Variants in PLD5 observed in about 807,000 individuals in gnomAD.
PLD5 encodes phospholipase D family member 5, also known as inactive phospholipase D5.
Under a neutral mutation model 61.1 loss-of-function variants are expected in PLD5, and 36 were observed. The ratio of observed to expected loss-of-function variants is 0.59; its 90% CI spans 0.45 to 0.78. The LOEUF (loss-of-function observed/expected upper bound fraction) is 0.78. Ranked by LOEUF, PLD5 falls within the 30% of genes least tolerant of loss-of-function variation. PLD5 has a pLI of 0.00. For synonymous variants in PLD5, 243 were observed against 242.8 expected, an observed-to-expected ratio of 1.00 and a Z score of -0.01; for missense variants, 515 against 644.4, an observed-to-expected ratio of 0.80 and a Z score of 2.17.
intron 1 of PLD5, among the ~76,000 whole-genome samples, chr1:242,497,210 G>C (rs758489831): frequency 6.6e-6 from 1 of 152,194 alleles, no homozygotes; most frequent in Non-Finnish European, 1.5e-5. Flanking sequence ...AGGAGCCTGA[G>C]CTGGGACTAA....
At chr1:242,163,800 CAAAGAGCAG>C (rs1666086563) in intron 5 of PLD5, among the ~76,000 whole-genome samples, 1 of 150,956 alleles carries the variant, frequency 6.6e-6, no homozygotes, top group African/African-American at 2.5e-5. Context: ...AGAAGATGAT[CAAAGAGCAG>C]GATGAGCAGG....
intron 5 of PLD5, among the ~76,000 whole-genome samples, chr1:242,199,530 C>A (rs531741363): frequency 6.6e-6 from 1 of 152,184 alleles, no homozygotes; most frequent in Non-Finnish European, 1.5e-5. Context: ...TCTGGGATTA[C>A]AGGGGTGAGC....
intron 1 of PLD5, among the ~76,000 whole-genome samples, chr1:242,466,125 C>T (rs956298102): frequency 6.6e-6 from 1 of 152,166 alleles, no homozygotes; most frequent in Non-Finnish European, 1.5e-5. Context: ...CTGATTCCCC[C>T]ATCCTACTCT....
At chr1:242,514,801 G>C (rs1669050261) in intron 1 of PLD5, among the ~76,000 whole-genome samples, 4 of 152,010 alleles carry the variant, frequency 2.6e-5, no homozygotes, top group Admixed American at 2.6e-4. Flanking sequence ...GGTGAGGAGA[G>C]GGAAGGACCC....
chr1:242,084,643 C>G lies in PLD5; in HGVS notation c.*5211G>C, dbSNP rs1659373724. ...GGCTGTTAAAGTATGCTCTACAGCT[C>G]AATATGGGTTTGCTGAGCAGACACT... On this transcript the variant is annotated 3_prime_UTR_variant, in exon 10 of 10. Transcript: ENST00000536534. 1 of 149,662 alleles carries G rather than the reference C, an allele frequency of 6.7e-6. No individual in the cohort carries two copies. Among genetic ancestry groups the G allele is most frequent in the Non-Finnish European group, 1.5e-5 (1 of 67,710 alleles). The allele number at this position is 149,662 out of a possible 1,614,324, so 9.3% of individuals were successfully genotyped here. A position where few individuals can be genotyped will look rare whatever the true frequency, so the allele number is the denominator to read the frequency against.
At chr1:242,105,614 GA>G (rs1382182094) in intron 8 of PLD5, among the ~76,000 whole-genome samples, 7 of 152,164 alleles carry the variant, frequency 4.6e-5, no homozygotes, top group Admixed American at 3.3e-4. Flanking sequence ...ATGATATAGA[GA>G]ACAGATCACC....
intron 1 of PLD5, among the ~76,000 whole-genome samples, chr1:242,422,636 T>C (rs1020127347): frequency 6.6e-6 from 1 of 152,122 alleles, no homozygotes; most frequent in Non-Finnish European, 1.5e-5. Context: ...CAAGGACAGA[T>C]AACAACAGAA....
intron 1 of PLD5, chr1:242,377,140 C>T: frequency 6.2e-7 from 1 of 1,611,686 alleles, no homozygotes. Context: ...GGCTGAGGTT[C>T]CTTTAACTTG....
At chr1:242,106,340 G>A (rs1661054421) in intron 8 of PLD5, among the ~76,000 whole-genome samples, 1 of 152,180 alleles carries the variant, frequency 6.6e-6, no homozygotes, top group Non-Finnish European at 1.5e-5. Flanking sequence ...AAGACTCTGT[G>A]CAGTGACTGC....
At chr1:242,346,021 C>CT in intron 2 of PLD5, among the ~76,000 whole-genome samples, 1 of 89,708 alleles carries the variant, frequency 1.1e-5, no homozygotes, top group South Asian at 5.8e-4. Context: ...TCTCCCCCCC[C>CT]CCCATATATA....
At chr1:242,526,203 G>A (rs138854277), upstream of PLD5, among the ~76,000 whole-genome samples, 1 of 152,246 alleles carries the variant, frequency 6.6e-6, no homozygotes, top group African/African-American at 2.4e-5. Context: ...AGGAGTTCCA[G>A]ACCAGCCTGG....
intron 1 of PLD5, among the ~76,000 whole-genome samples, chr1:242,442,082 C>T (rs779894746): frequency 5.9e-5 from 9 of 152,152 alleles, no homozygotes; most frequent in Non-Finnish European, 1.3e-4. Context: ...CATGGGAGCA[C>T]AGAACTCTTC....
chr1:242,184,091 T>G (rs760686413), intron 5 of PLD5, among the ~76,000 whole-genome samples: 1 of 152,208 alleles, frequency 6.6e-6, no homozygotes, highest in Non-Finnish European at 1.5e-5. Flanking sequence ...CTGCACAGCT[T>G]TTCAAACCTT....
At chr1:242,112,283 C>CTGTGTG (rs748175841) in intron 7 of PLD5, among the ~76,000 whole-genome samples, 4,667 of 119,572 alleles carry the variant, frequency 0.039, 102 homozygotes, top group African/African-American at 0.056. Flanking sequence ...AAAGGATGCA[C>CTGTGTG]TGTGTGTGTG....
chr1:242,516,747 C>T (rs552569220), intron 1 of PLD5, among the ~76,000 whole-genome samples: 1 of 152,300 alleles, frequency 6.6e-6, no homozygotes, highest in East Asian at 1.9e-4. Flanking sequence ...AGTTTAGATG[C>T]CTGGAAGCAG....
intron 5 of PLD5, among the ~76,000 whole-genome samples, chr1:242,185,458 A>G (rs986880560): frequency 3.9e-5 from 6 of 152,202 alleles, no homozygotes; most frequent in Non-Finnish European, 8.8e-5. Context: ...TATTCTTTTC[A>G]TAATTTTGAC....
rs1659326001 is a variant in PLD5, at chr1:242,083,029, A to G, written c.*6825T>C. The G allele has an allele frequency of 6.6e-6, 1 of 152,052 alleles. No homozygotes were observed. Among genetic ancestry groups the G allele is most frequent in the South Asian group, 2.1e-4 (1 of 4,816 alleles). 9.4% of individuals were successfully genotyped at this position (152,052 alleles called of 1,614,324 possible). On this transcript the variant is annotated 3_prime_UTR_variant, in exon 10 of 10. Coordinates refer to ENST00000536534, the MANE Select transcript of PLD5 (RefSeq NM_001372062.1). Reference sequence around the variant, plus strand: ...ATTTATGTCAATACATAAGAAAGGAAGAAAAAAAAAAAGCAACCCAGGAAC... The same window carrying G: ...ATTTATGTCAATACATAAGAAAGGAGGAAAAAAAAAAAGCAACCCAGGAAC...
intron 1 of PLD5, among the ~76,000 whole-genome samples, chr1:242,476,386 C>G (rs78971356): frequency 0.066 from 10,058 of 151,704 alleles, 397 homozygotes; most frequent in African/African-American, 0.089. Context: ...AAAAGAAAAC[C>G]CCCCCAAATG....
chr1:242,326,285 T>C (rs527855641), intron 2 of PLD5, among the ~76,000 whole-genome samples: 3 of 151,886 alleles, frequency 2.0e-5, no homozygotes, highest in Admixed American at 2.0e-4. Context: ...AAGTATCTGC[T>C]AAGTATATGC....
Sources: gnomAD v4.1 joint callset for allele counts (sites outside exome capture counted in the v4.1 genomes callset) on GRCh38, gnomAD v4.1.1 for gene constraint, MANE v1.5 for transcripts, NCBI Gene and HGNC (gene_info 2026-07-23, HGNC 2026-07-21) for gene names.